The following ENOX1 variants were observed in gnomAD, a reference collection of about 807,000 sequenced individuals.
ENOX1 encodes ecto-NOX disulfide-thiol exchanger 1.
A neutral mutation model predicts 82.5 loss-of-function variants in ENOX1; 42 were observed. That is an observed-to-expected ratio of 0.51 (90% CI 0.40 to 0.66). ENOX1 has a LOEUF of 0.66. Ranked by LOEUF, ENOX1 falls within the 30% of genes least tolerant of loss-of-function variation. The pLI, the probability that ENOX1 is intolerant of heterozygous loss-of-function variation, is 0.00. For synonymous variants in ENOX1, 271 were observed against 282.2 expected (o/e 0.96, Z 0.40); for missense variants, 608 against 811.6 (o/e 0.75, Z 3.05).
At chr13:43,710,138 A>T (rs2087591524) in intron 1 of ENOX1, among the ~76,000 whole-genome samples, 1 of 152,164 alleles carries the variant, frequency 6.6e-6, no homozygotes, top group Non-Finnish European at 1.5e-5. Context: ...GTATTAAAAT[A>T]GGAGGGGAGA....
intron 2 of ENOX1, among the ~76,000 whole-genome samples, chr13:43,595,409 T>C (rs2081420970): frequency 6.6e-6 from 1 of 152,110 alleles, no homozygotes; most frequent in Non-Finnish European, 1.5e-5. Context: ...CAATGAACAT[T>C]TTATTTCTTT....
chr13:43,513,178 G>A (rs983266118), intron 2 of ENOX1, among the ~76,000 whole-genome samples: 1 of 152,044 alleles, frequency 6.6e-6, no homozygotes, highest in African/African-American at 2.4e-5. Flanking sequence ...GTGTGCTGGT[G>A]CAAGTTTCTA....
chr13:43,276,963 G>A (rs1490097174), intron 12 of ENOX1, among the ~76,000 whole-genome samples: 1 of 152,108 alleles, frequency 6.6e-6, no homozygotes, highest in Non-Finnish European at 1.5e-5. Flanking sequence ...TTACACTAAG[G>A]CATGAGGGTA....
intron 9 of ENOX1, 93 bp from the exon 10 acceptor site, chr13:43,326,618 T>C: frequency 1.0e-6 from 1 of 979,068 alleles, no homozygotes; most frequent in Non-Finnish European, 1.6e-6. Context: ...CTATGGATGA[T>C]GTCACAATAG....
rs185091977 is a variant in ENOX1, at chr13:43,785,297, G to C, written c.-285+1355C>G. Among the ~76,000 whole-genome samples the C allele has an allele frequency of 3.4e-3, 525 of 152,198 alleles. 13 individuals carry two copies. The highest frequency in any genetic ancestry group is 0.031 in the Admixed American group (472 of 15,282). ...AACAGCACGCACCCACCTCTCGAGCGGGCCCACCAGCTCAGCTTTCCAAGC... is the reference window on the plus strand; with the variant it reads ...AACAGCACGCACCCACCTCTCGAGCCGGCCCACCAGCTCAGCTTTCCAAGC... On this transcript the variant is annotated intron_variant, in intron 1 of 16. Coordinates refer to ENST00000690772, the MANE Select transcript of ENOX1 (RefSeq NM_001347969.2).
chr13:43,618,204 AC>A (rs1291897955), intron 2 of ENOX1, among the ~76,000 whole-genome samples: 1 of 152,110 alleles, frequency 6.6e-6, no homozygotes, highest in African/African-American at 2.4e-5. Context: ...TTGTGTGTTT[AC>A]TTTGCTAACT....
intron 2 of ENOX1, among the ~76,000 whole-genome samples, chr13:43,493,561 C>T (rs1245265483): frequency 6.6e-6 from 1 of 152,162 alleles, no homozygotes; most frequent in Non-Finnish European, 1.5e-5. Context: ...CTTCTTTTTC[C>T]ATCTGGGAAC....
chr13:43,718,794 A>G (rs1179349712), intron 1 of ENOX1, among the ~76,000 whole-genome samples: 1 of 151,604 alleles, frequency 6.6e-6, no homozygotes, highest in Non-Finnish European at 1.5e-5. Context: ...ACTTTGTTAT[A>G]TATTCCCCCT....
intron 1 of ENOX1, among the ~76,000 whole-genome samples, chr13:43,682,812 G>C (rs2085861431): frequency 6.6e-6 from 1 of 152,142 alleles, no homozygotes; most frequent in South Asian, 2.1e-4. Flanking sequence ...GAGATCCTGG[G>C]GGAGCCAATT....
chr13:43,557,676 T>C (rs1353616870), intron 2 of ENOX1, among the ~76,000 whole-genome samples: 1 of 152,100 alleles, frequency 6.6e-6, no homozygotes, highest in East Asian at 1.9e-4. Context: ...TGCATACCCA[T>C]AGTTCCAGCT....
intron 2 of ENOX1, among the ~76,000 whole-genome samples, chr13:43,610,610 G>A (rs2082159085): frequency 1.3e-5 from 2 of 152,120 alleles, no homozygotes; most frequent in Non-Finnish European, 2.9e-5. Flanking sequence ...TCACAATTTT[G>A]TGGTTTCTCA....
intron 5 of ENOX1, among the ~76,000 whole-genome samples, chr13:43,369,057 G>A (rs2051042515): frequency 6.6e-6 from 1 of 151,806 alleles, no homozygotes; most frequent in African/African-American, 2.4e-5. Flanking sequence ...TTTTCAAAGT[G>A]AGAAATTTAT....
intron 2 of ENOX1, among the ~76,000 whole-genome samples, chr13:43,490,068 A>T (rs558524085): frequency 6.6e-6 from 1 of 152,224 alleles, no homozygotes; most frequent in Non-Finnish European, 1.5e-5. Flanking sequence ...CCTCCTGAGT[A>T]GCTGAGATTA....
chr13:43,450,509 G>A (rs1298690481), intron 3 of ENOX1, among the ~76,000 whole-genome samples: 2 of 152,148 alleles, frequency 1.3e-5, no homozygotes, highest in African/African-American at 4.8e-5. Context: ...AGGGTCAGTA[G>A]GAGGCAGAGG....
intron 3 of ENOX1, among the ~76,000 whole-genome samples, chr13:43,417,850 C>T (rs967986834): frequency 1.3e-5 from 2 of 152,080 alleles, no homozygotes; most frequent in Admixed American, 6.5e-5. Flanking sequence ...AAGTGTTGCC[C>T]TAGTTTTCTG....
At chr13:43,314,229 G>A (rs1307060379) in intron 11 of ENOX1, among the ~76,000 whole-genome samples, 1 of 152,174 alleles carries the variant, frequency 6.6e-6, no homozygotes, top group African/African-American at 2.4e-5. Context: ...AAAGAGAAGG[G>A]TCTCTAAGCC....
intron 2 of ENOX1, among the ~76,000 whole-genome samples, chr13:43,565,603 T>C (rs551395204): frequency 2.6e-5 from 4 of 152,122 alleles, no homozygotes; most frequent in African/African-American, 4.8e-5. Context: ...CTTTAGAAAG[T>C]AGGGGATTTC....
rs376249644 is a variant in ENOX1 at position 43,311,305 on chromosome 13, C to T, written c.1261+11079G>A. Among the ~76,000 whole-genome samples the T allele has an allele frequency of 2.9e-4, 44 of 151,894 alleles. 1 individual carries two copies. The South Asian group carries it at 7.5e-3, about 26-fold the overall frequency. On this transcript the variant is annotated intron_variant, in intron 11 of 16. Coordinates refer to ENST00000690772, the MANE Select transcript of ENOX1 (RefSeq NM_001347969.2). ...GCAAGAAACTAAACCTCCAAGAGAC[C>T]TCAGGGTCCTTATCCAAAAAATGTA... is the stretch of plus-strand genomic sequence containing the variant.
chr13:43,605,938 A>T (rs1594065125), intron 2 of ENOX1, among the ~76,000 whole-genome samples: 1 of 152,214 alleles, frequency 6.6e-6, no homozygotes, highest in South Asian at 2.1e-4. Context: ...AGAATACAGA[A>T]GGAGCTCAAA....
Sources: allele counts gnomAD v4.1 joint callset (sites outside exome capture counted in the v4.1 genomes callset), GRCh38; gene constraint gnomAD v4.1.1; transcripts MANE v1.5; gene names NCBI Gene and HGNC (gene_info 2026-07-23, HGNC 2026-07-21).